HHIP: variants seen among roughly 807,000 people sequenced by gnomAD.
The protein encoded by HHIP is hedgehog-interacting protein.
A neutral mutation model predicts 74.0 loss-of-function variants in HHIP; 12 were observed. The observed-to-expected ratio is 0.16, with a 90% CI of 0.10 to 0.26. The LOEUF is 0.26. Among genes scored for constraint, HHIP ranks in the 10% least tolerant of loss-of-function variants. The pLI is 1.00. For synonymous variants in HHIP, 309 were observed against 311.6 expected (o/e 0.99, Z 0.09); for missense variants, 788 against 845.0 (o/e 0.93, Z 0.84).
At chr4:144,729,544 T>C (rs1235651462) in intron 11 of HHIP, among the ~76,000 whole-genome samples, 2 of 152,202 alleles carry the variant, frequency 1.3e-5, no homozygotes, top group African/African-American at 2.4e-5. Flanking sequence ...TCAAAATCAG[T>C]AGGTCTGGGG....
rs144634666 is a variant in HHIP at position 144,646,435 on chromosome 4, T to A, written c.-241T>A. ...GACACTGGCACAACTGCAAACGGTGTCATCCGCACAACTTTATCTCGCTCC... is the reference window on the plus strand; with the variant it reads ...GACACTGGCACAACTGCAAACGGTGACATCCGCACAACTTTATCTCGCTCC... On this transcript the variant is annotated 5_prime_UTR_variant, in exon 1 of 13. Transcript: ENST00000296575. The A allele has an allele frequency of 2.2e-6, 1 of 449,322 alleles. No individual in the cohort carries two copies. Among genetic ancestry groups the A allele is most frequent in the Non-Finnish European group, 3.9e-6 (1 of 253,554 alleles). 27.8% of individuals were successfully genotyped at this position (449,322 alleles called of 1,614,324 possible).
chr4:144,704,609 A>T (rs1398572793), intron 4 of HHIP, among the ~76,000 whole-genome samples: 1 of 152,238 alleles, frequency 6.6e-6, no homozygotes, highest in African/African-American at 2.4e-5. Context: ...TTCAAATTGT[A>T]TTTCTGATGA....
chr4:144,650,484 A>AT (rs1728387505), intron 1 of HHIP: 1 of 152,250 alleles, frequency 6.6e-6, no homozygotes, highest in South Asian at 2.1e-4. Flanking sequence ...TTAAGGACCT[A>AT]TATAAGACAC....
intron 7 of HHIP, among the ~76,000 whole-genome samples, chr4:144,708,910 A>G (rs929582981): frequency 6.6e-6 from 1 of 152,212 alleles, no homozygotes; most frequent in Admixed American, 6.5e-5. Flanking sequence ...CAAATACTAA[A>G]GGACTCCATA....
Position 144,736,136 on chromosome 4 carries a change from C to CT in HHIP, c.1909+1264dup, listed in dbSNP as rs36088965. Among the ~76,000 whole-genome samples, 862 of 128,218 alleles carry CT rather than the reference C, an allele frequency of 6.7e-3. 23 individuals carry two copies. The highest frequency in any genetic ancestry group is 9.1e-3 in the African/African-American group (318 of 34,958). The allele number at this position is 128,218 out of a possible 152,430, so 84.1% of individuals were successfully genotyped here. ...CTAACAATATCTACTTTTTCTGCAT[C>CT]TTTTTTTTTTTTTTTTTGAGGTGGA... On this transcript the variant is annotated intron_variant, in intron 12 of 12. Coordinates refer to ENST00000296575, the MANE Select transcript of HHIP (RefSeq NM_022475.3).
At chr4:144,724,911 A>G (rs2126678643) in intron 11 of HHIP, among the ~76,000 whole-genome samples, 1 of 152,002 alleles carries the variant, frequency 6.6e-6, no homozygotes, top group African/African-American at 2.4e-5. Context: ...GCATTCATCT[A>G]AAAAGCCATA....
At chr4:144,716,981 C>G (rs1391324703) in intron 10 of HHIP, among the ~76,000 whole-genome samples, 1 of 146,782 alleles carries the variant, frequency 6.8e-6, no homozygotes, top group Non-Finnish European at 1.5e-5. Context: ...ACAAATGATT[C>G]ATCATCACTC....
At chr4:144,718,759 G>A in intron 10 of HHIP, 116 bp from the exon 11 acceptor site, 1 of 709,942 alleles carries the variant, frequency 1.4e-6, no homozygotes, top group Non-Finnish European at 2.5e-6. Context: ...CTTTAGGCAA[G>A]TGATTTTCTT....
In HHIP at chr4:144,723,378, G is replaced by T. The variant is rs927238986; in HGVS notation, c.1760+4422G>T. ...GCCCACTTACTGCCCTTTGTCTATT[G>T]TTTTCTTAATATCTTCATCCTACTT... On this transcript the variant is annotated intron_variant, in intron 11 of 12. Transcript: ENST00000296575. 8.6e-5 allele frequency among the ~76,000 whole-genome samples: 13 copies of T among 151,818 alleles called. 1 individual carries two copies. Among genetic ancestry groups the T allele is most frequent in the Non-Finnish European group, 2.9e-5 (2 of 67,984 alleles).
intron 10 of HHIP, among the ~76,000 whole-genome samples, chr4:144,716,891 A>T (rs550349626): frequency 7.5e-4 from 105 of 139,438 alleles, no homozygotes; most frequent in African/African-American, 2.7e-3. Context: ...AAAAAAAAGT[A>T]AAAGAATGGT....
At chr4:144,679,812 T>C (rs1729286120) in intron 4 of HHIP, among the ~76,000 whole-genome samples, 1 of 152,244 alleles carries the variant, frequency 6.6e-6, no homozygotes, top group African/African-American at 2.4e-5. Context: ...CTTTATACTT[T>C]GAAATATGCA....
At chr4:144,697,567 T>C (rs17721701) in intron 4 of HHIP, among the ~76,000 whole-genome samples, 76,271 of 151,782 alleles carry the variant, frequency 0.5, 20,257 homozygotes, top group South Asian at 0.77. Context: ...CTGAGCAAGA[T>C]AAAAGGTACA....
rs1731301053 is a variant in HHIP at position 144,742,974 on chromosome 4, T to TATATATATACATTATATATATATA, written c.*5027_*5050dup. ...ATCTTATACATATAAGATATATGTA[T>TATATATATACATTATATATATATA]ATATATATACATTATATATATATAA... On this transcript the variant is annotated 3_prime_UTR_variant, in exon 13 of 13. Transcript: ENST00000296575. 3.0e-5 allele frequency: 4 copies of TATATATATACATTATATATATATA among 132,484 alleles called. No homozygotes were observed. The highest frequency in any genetic ancestry group is 1.2e-4 in the African/African-American group (4 of 34,698). The allele number at this position is 132,484 out of a possible 1,614,324, so 8.2% of individuals were successfully genotyped here.
chr4:144,673,175 A>G (rs1729087703), intron 4 of HHIP, among the ~76,000 whole-genome samples: 1 of 152,226 alleles, frequency 6.6e-6, no homozygotes, highest in Non-Finnish European at 1.5e-5. Flanking sequence ...TTTTACCTGT[A>G]AAATGAGAGG....
Position 144,738,328 on chromosome 4 carries a change from TTAA to T in HHIP, c.*374_*376del, listed in dbSNP as rs1166968526. Reference sequence around the variant, plus strand: ...CTGTCTGTAATCACTAAAGTCAACTTTAATAGAGTTTTGAAACAGTACTGTGCA... The same window carrying T: ...CTGTCTGTAATCACTAAAGTCAACTTTAGAGTTTTGAAACAGTACTGTGCA... On this transcript the variant is annotated 3_prime_UTR_variant, in exon 13 of 13. Coordinates refer to ENST00000296575, the MANE Select transcript of HHIP (RefSeq NM_022475.3). 2.4e-5 allele frequency: 24 copies of T among 982,818 alleles called. No homozygotes were observed. The highest frequency in any genetic ancestry group is 1.9e-4 in the African/African-American group (11 of 57,184). The allele number at this position is 982,818 out of a possible 1,614,324, so 60.9% of individuals were successfully genotyped here.
intron 2 of HHIP, among the ~76,000 whole-genome samples, chr4:144,656,148 G>A (rs189492933): frequency 5.3e-5 from 8 of 152,118 alleles, no homozygotes; most frequent in Admixed American, 2.6e-4. Context: ...CTGCAGAATC[G>A]GGTCATTTAA....
chr4:144,715,025 G>A (rs1730405812), intron 9 of HHIP: 1 of 301,568 alleles, frequency 3.3e-6, no homozygotes, highest in African/African-American at 2.2e-5. Context: ...TAGTCCTGGC[G>A]AGGAAGTATC....
intron 9 of HHIP, chr4:144,715,089 C>T (rs569231429): frequency 3.5e-5 from 15 of 424,888 alleles, no homozygotes; most frequent in African/African-American, 2.6e-4. Context: ...TTTAGTGCCC[C>T]CTCCAAACAA....
chr4:144,658,941 C>A lies in HHIP; in HGVS notation c.624C>A (p.Ile208=). ...QMEEYDKVEE[I]SRKHKHNCFC... ...AAGAATATGACAAAGTGGAAGAGAT[C>A]AGCAGGTTCATAAAGATAAATGCTC... The change falls in exon 3 of 13, where the codon ATC becomes ATA. Residue 208 remains isoleucine, a synonymous_variant. Coordinates refer to ENST00000296575, the MANE Select transcript of HHIP (RefSeq NM_022475.3). The A allele has an allele frequency of 1.2e-6, 2 of 1,605,890 alleles. No homozygotes were observed. Among genetic ancestry groups the A allele is most frequent in the Non-Finnish European group, 1.7e-6 (2 of 1,176,062 alleles).
Sources: gnomAD v4.1 joint callset for allele counts (sites outside exome capture counted in the v4.1 genomes callset) on GRCh38, gnomAD v4.1.1 for gene constraint, MANE v1.5 for transcripts, NCBI Gene and HGNC (gene_info 2026-07-23, HGNC 2026-07-21) for gene names.